Variants in CACNA1C observed in about 807,000 individuals in gnomAD.
The protein encoded by CACNA1C is voltage-dependent L-type calcium channel subunit alpha-1C.
A neutral mutation model predicts 229.0 loss-of-function variants in CACNA1C; 30 were observed. The observed-to-expected ratio is 0.13, with a 90% CI of 0.10 to 0.18. CACNA1C has a LOEUF of 0.18. Ranked by LOEUF, CACNA1C falls within the 10% of genes least tolerant of loss-of-function variation. The pLI, the probability that CACNA1C is intolerant of heterozygous loss-of-function variation, is 1.00. For missense variants in CACNA1C, 1,658 were observed against 2,845.0 expected, an observed-to-expected ratio of 0.58 and a Z score of 9.49; for synonymous variants, 1,114 against 1,132.5, an observed-to-expected ratio of 0.98 and a Z score of 0.33.
rs2099787901 is a variant in CACNA1C, at chr12:2,512,863, G to A, written c.1269G>A (p.Lys423=). Residue 423 remains lysine (K), a synonymous_variant, in exon 9 of 47, where the codon AAG becomes AAA. Coordinates refer to ENST00000399655, the MANE Select transcript of CACNA1C (RefSeq NM_000719.7). The surrounding 1 kb of genome is among the most constrained non-coding windows in gnomAD (Gnocchi z 4.3). ...EKAKARGDFQ[K]LREKQQLEED... ...CCAAGGCCCGGGGAGATTTCCAGAA[G>A]CTGCGGGAGAAGCAGCAGCTAGAAG... 6.2e-7 allele frequency: 1 copy of A among 1,613,528 alleles called. No homozygotes were observed. Among genetic ancestry groups the A allele is most frequent in the Non-Finnish European group, 8.5e-7 (1 of 1,179,710 alleles).
chr12:2,448,573 T>C (rs566275895), intron 3 of CACNA1C, among the ~76,000 whole-genome samples: 1 of 152,294 alleles, frequency 6.6e-6, no homozygotes, highest in South Asian at 2.1e-4. Flanking sequence ...AGCGCGGTTT[T>C]CCAGGAGCTG....
intron 2 of CACNA1C, 23 bp from the exon 3 acceptor site, chr12:2,120,302 A>T: frequency 8.9e-7 from 1 of 1,118,098 alleles, no homozygotes; most frequent in Non-Finnish European, 1.4e-6. Context: ...TGTGGCATTA[A>T]CTTCCTTGAC....
At chr12:2,449,867 G>C (rs1200395496) in intron 4 of CACNA1C, among the ~76,000 whole-genome samples, 1 of 152,168 alleles carries the variant, frequency 6.6e-6, no homozygotes, top group East Asian at 1.9e-4. Context: ...CTGCAGGTGT[G>C]GGGTGAGGGT....
chr12:2,515,072 C>T (rs1568158455), intron 9 of CACNA1C, among the ~76,000 whole-genome samples: 1 of 152,208 alleles, frequency 6.6e-6, no homozygotes, highest in African/African-American at 2.4e-5. Context: ...TTCCTTACGG[C>T]TGGAGGAGCC....
At chr12:2,626,372 G>A (rs2086554076) in intron 29 of CACNA1C, among the ~76,000 whole-genome samples, 1 of 152,182 alleles carries the variant, frequency 6.6e-6, no homozygotes. Context: ...CCATGGCCTT[G>A]GTCCTGTGGA....
chr12:2,240,412 T>C (rs1466462497), intron 3 of CACNA1C, among the ~76,000 whole-genome samples: 3 of 152,236 alleles, frequency 2.0e-5, no homozygotes, highest in African/African-American at 7.2e-5. Context: ...ATTTTAGCAA[T>C]CTTCTGTTGG....
At chr12:2,000,321 C>G (rs936266451) in intron 1 of CACNA1C, among the ~76,000 whole-genome samples, 2 of 152,198 alleles carry the variant, frequency 1.3e-5, no homozygotes, top group South Asian at 4.1e-4. Context: ...GATCAAAACA[C>G]TCTCCTGGTC....
In CACNA1C at chr12:2,589,878, C is replaced by T. The variant is rs190236080; in HGVS notation, c.2531-3335C>T. On this transcript the variant is annotated intron_variant, in intron 18 of 46. Coordinates refer to ENST00000399655, the MANE Select transcript of CACNA1C (RefSeq NM_000719.7). ...TAGGACCAGCTGGATTCACTCACAGCTTAGATGTTGGAGAGAGGGAAAGAG... is the reference window on the plus strand; with the variant it reads ...TAGGACCAGCTGGATTCACTCACAGTTTAGATGTTGGAGAGAGGGAAAGAG... 4.1e-4 allele frequency among the ~76,000 whole-genome samples: 62 copies of T among 152,264 alleles called. 2 individuals are homozygous for T. Among genetic ancestry groups the T allele is most frequent in the African/African-American group, 1.5e-3 (61 of 41,528 alleles).
At chr12:2,141,092 G>T (rs1256150701) in intron 3 of CACNA1C, among the ~76,000 whole-genome samples, 1 of 151,010 alleles carries the variant, frequency 6.6e-6, no homozygotes, top group Non-Finnish European at 1.5e-5. Context: ...GGACAGCAGG[G>T]CCAGGACCCC....
At chr12:2,080,359 T>C (rs2065052641) in intron 1 of CACNA1C, among the ~76,000 whole-genome samples, 1 of 152,126 alleles carries the variant, frequency 6.6e-6, no homozygotes, top group South Asian at 2.1e-4. Context: ...TCCAGCACTT[T>C]GAGAAGCTGA....
intron 34 of CACNA1C, among the ~76,000 whole-genome samples, chr12:2,662,932 A>G (rs2095842298): frequency 6.6e-6 from 1 of 152,362 alleles, no homozygotes; most frequent in East Asian, 1.9e-4. Flanking sequence ...TGACTTATCT[A>G]TGCAGAAAAA....
intron 1 of CACNA1C, among the ~76,000 whole-genome samples, chr12:1,987,028 T>G (rs558316190): frequency 4.6e-5 from 7 of 152,152 alleles, no homozygotes; most frequent in Non-Finnish European, 7.3e-5. Flanking sequence ...GGAGAGAAGC[T>G]ACAGAACCAC....
intron 3 of CACNA1C, among the ~76,000 whole-genome samples, chr12:2,158,219 A>G (rs773993787): frequency 5.3e-5 from 8 of 152,214 alleles, no homozygotes; most frequent in Non-Finnish European, 1.0e-4. Context: ...TTACAAATAG[A>G]TGAAACAGGC....
chr12:2,219,839 C>A (rs1394038950), intron 3 of CACNA1C, among the ~76,000 whole-genome samples: 3 of 152,148 alleles, frequency 2.0e-5, no homozygotes, highest in African/African-American at 7.2e-5. Context: ...GAAATACAAG[C>A]AGCCTTTTGG....
intron 9 of CACNA1C, among the ~76,000 whole-genome samples, chr12:2,519,002 A>G (rs1477931837): frequency 1.3e-5 from 2 of 152,206 alleles, no homozygotes; most frequent in Non-Finnish European, 2.9e-5. Context: ...GTCAGCACTC[A>G]AACCCAGGGC....
Position 2,053,587 on chromosome 12 carries a change from T to C in CACNA1C, c.25T>C (p.Tyr9His). The change falls in exon 1 of 47, where the codon TAC becomes CAC. Residue 9 changes from tyrosine to histidine, a missense_variant. By Grantham distance (83) the Tyr-to-His change is moderately conservative. Coordinates refer to ENST00000399655, the MANE Select transcript of CACNA1C (RefSeq NM_000719.7). This position sits in a 1 kb window ranked among gnomAD's most constrained non-coding sequence, Gnocchi z 5.8. Reference sequence around the variant, plus strand: ...CATGGTCAATGAGAATACGAGGATGTACATTCCAGAGGAAAACCACCAAGG... The same window carrying C: ...CATGGTCAATGAGAATACGAGGATGCACATTCCAGAGGAAAACCACCAAGG... MVNENTRMYIPEENHQGSN... is the reference protein window; with the variant it reads MVNENTRMHIPEENHQGSN... 1.2e-6 allele frequency: 2 copies of C among 1,600,584 alleles called. No individual in the cohort carries two copies. The highest frequency in any genetic ancestry group is 1.7e-6 in the Non-Finnish European group (2 of 1,173,620).
At position 2,275,909 on chromosome 12, in the gene CACNA1C, C is replaced by A. The variant is rs1206819223; in HGVS notation, c.477+155479C>A. Among the ~76,000 whole-genome samples, 1 of 152,128 alleles carries A rather than the reference C, an allele frequency of 6.6e-6. No homozygotes were observed. The highest frequency in any genetic ancestry group is 1.9e-4 in the East Asian group (1 of 5,196). On this transcript the variant is annotated intron_variant, in intron 3 of 46. Transcript: ENST00000399655. The surrounding 1 kb of genome is among the most constrained non-coding windows in gnomAD (Gnocchi z 4.1). ...GACGGAAAGTCATCAAGCCCAGTTA[C>A]AGTCATCCCTTGGTGTCTGTGGGGA...
chr12:2,610,683 T>C lies in CACNA1C; in HGVS notation c.3701T>C (p.Ile1234Thr), dbSNP rs786205780. 6.2e-7 allele frequency: 1 copy of C among 1,614,078 alleles called. No individual in the cohort carries two copies. Among genetic ancestry groups the C allele is most frequent in the Non-Finnish European group, 8.5e-7 (1 of 1,180,044 alleles). The change falls in exon 28 of 47, where the codon ATC (isoleucine) becomes ACC (threonine). Residue 1234 changes from isoleucine to threonine, a missense_variant. Ile to Thr is a moderately conservative substitution (Grantham distance 89). This residue lies in a region of CACNA1C where 67 missense variants were observed against 106.4 expected (regional missense o/e 0.63). Transcript: ENST00000399655. ...TTCGTCCTCATCCTGCTCAACACCATCTGCCTGGCCATGCAGGTCAGTCCC... is the reference window on the plus strand; with the variant it reads ...TTCGTCCTCATCCTGCTCAACACCACCTGCCTGGCCATGCAGGTCAGTCCC... ...LMFVLILLNTICLAMQHYGQS... is the reference protein window; with the variant it reads ...LMFVLILLNTTCLAMQHYGQS...
chr12:2,455,273 G>C (rs1277682355), intron 4 of CACNA1C, among the ~76,000 whole-genome samples: 1 of 152,160 alleles, frequency 6.6e-6, no homozygotes, highest in Non-Finnish European at 1.5e-5. Flanking sequence ...TTTCCCAAAA[G>C]ACTTGTCTAT....
Sources: gnomAD v4.1 joint callset for allele counts (sites outside exome capture counted in the v4.1 genomes callset) on GRCh38, gnomAD v4.1.1 for gene constraint, gnomAD v4.1.1 regional missense constraint, Gnocchi (gnomAD v3.1) non-coding constraint, MANE v1.5 for transcripts, NCBI Gene and HGNC (gene_info 2026-07-23, HGNC 2026-07-21) for gene names.